ITIH5: variants seen among roughly 807,000 people sequenced by gnomAD.
ITIH5 encodes inter-alpha-trypsin inhibitor heavy chain 5, also known as inter-alpha-trypsin inhibitor heavy chain H5.
Under a neutral mutation model 77.5 loss-of-function variants are expected in ITIH5, and 65 were observed. The observed-to-expected ratio is 0.84, with a 90% CI of 0.69 to 1.03. The LOEUF (loss-of-function observed/expected upper bound fraction) is 1.03. ITIH5 is among the 50% of genes least tolerant of loss of function. The pLI is 0.00. For synonymous variants in ITIH5, 525 were observed against 494.3 expected (o/e 1.06, Z -0.82); for missense variants, 1,208 against 1,213.1 (o/e 1.00, Z 0.06).
chr10:7,666,790 C>A lies in ITIH5; in HGVS notation c.90+13G>T, dbSNP rs1486146413. The A allele has an allele frequency of 6.3e-7, 1 of 1,599,870 alleles. No homozygotes were observed. Among genetic ancestry groups the A allele is most frequent in the Non-Finnish European group, 8.5e-7 (1 of 1,173,818 alleles). Reference sequence around the variant, plus strand: ...GCCGCGCCCGGGACCCGGCTCCCCTCGGCTCCACTTACCTGCTCCGAAGAG... The same window carrying A: ...GCCGCGCCCGGGACCCGGCTCCCCTAGGCTCCACTTACCTGCTCCGAAGAG... On this transcript the variant is annotated intron_variant, in intron 1 of 13. Transcript: ENST00000397146.
chr10:7,597,175 T>C (rs1832921142), intron 7 of ITIH5, among the ~76,000 whole-genome samples: 1 of 147,650 alleles, frequency 6.8e-6, no homozygotes, highest in African/African-American at 2.5e-5. Flanking sequence ...TTTTGGAAAA[T>C]GAAATATGCC....
chr10:7,560,782 G>A lies in ITIH5; in HGVS notation c.*2301C>T, dbSNP rs997293659. ...ACAACCCTCGCCCTGGTTTATAAAT[G>A]CTCAAGGAAAATAAATGATTGCCCA... On this transcript the variant is annotated 3_prime_UTR_variant, in exon 14 of 14. Transcript: ENST00000397146. 6.6e-6 allele frequency: 1 copy of A among 151,816 alleles called. No homozygotes were observed. Among genetic ancestry groups the A allele is most frequent in the African/African-American group, 2.4e-5 (1 of 41,134 alleles). The allele number at this position is 151,816 out of a possible 1,614,324, so 9.4% of individuals were successfully genotyped here.
intron 13 of ITIH5, among the ~76,000 whole-genome samples, chr10:7,563,666 G>A (rs900130577): frequency 2.0e-5 from 3 of 152,240 alleles, no homozygotes; most frequent in African/African-American, 7.2e-5. Context: ...GTCTCCTACT[G>A]AGTCCAGAGG....
intron 7 of ITIH5, among the ~76,000 whole-genome samples, chr10:7,602,193 T>C (rs945567883): frequency 2.0e-5 from 3 of 152,138 alleles, no homozygotes; most frequent in East Asian, 3.8e-4. Context: ...CCTCTCTCTC[T>C]CCTCTTCCCT....
chr10:7,580,479 G>A (rs7089795), intron 8 of ITIH5, among the ~76,000 whole-genome samples: 133,068 of 152,248 alleles, frequency 0.87, 58,421 homozygotes, highest in East Asian at 1. Flanking sequence ...CAGGAGTGAG[G>A]TGTTAAGGGG....
At chr10:7,592,934 T>C (rs1832823508) in intron 7 of ITIH5, among the ~76,000 whole-genome samples, 2 of 152,016 alleles carry the variant, frequency 1.3e-5, no homozygotes, top group Non-Finnish European at 2.9e-5. Context: ...CCTGAGAGTC[T>C]CCATGCTGCA....
At chr10:7,646,495 C>T (rs9732111) in intron 2 of ITIH5, among the ~76,000 whole-genome samples, 14,393 of 152,198 alleles carry the variant, frequency 0.095, 954 homozygotes, top group Admixed American at 0.19. Context: ...TTATCTGTGT[C>T]TTAGCTATCT....
intron 5 of ITIH5, among the ~76,000 whole-genome samples, chr10:7,628,495 T>C (rs17347771): frequency 0.18 from 27,451 of 149,308 alleles, 3,155 homozygotes; most frequent in Non-Finnish European, 0.24. Flanking sequence ...TGTGTTATAG[T>C]GTGTATCCAT....
At position 7,644,521 on chromosome 10, in the gene ITIH5, CATATATATG is replaced by C. The variant is rs1257804551; in HGVS notation, c.136-2440_136-2432del. On this transcript the variant is annotated intron_variant, in intron 2 of 13. Transcript: ENST00000397146. ...AATCACATATATATGATATATATCACATATATATGATATATCACATATATATGATATATC... is the reference window on the plus strand; with the variant it reads ...AATCACATATATATGATATATATCACATATATCACATATATATGATATATC... Among the ~76,000 whole-genome samples the C allele has an allele frequency of 2.4e-4, 29 of 123,096 alleles. 1 individual carries two copies. Among genetic ancestry groups the C allele is most frequent in the South Asian group, 2.5e-4 (1 of 3,962 alleles). 80.8% of individuals were successfully genotyped at this position (123,096 alleles called of 152,430 possible).
chr10:7,563,458 A>G, intron 13 of ITIH5, 74 bp from the exon 14 acceptor site: 2 of 1,365,784 alleles, frequency 1.5e-6, no homozygotes, highest in Middle Eastern at 1.8e-4. Flanking sequence ...CTTCAGAGCT[A>G]TCAGTGGCAG....
At chr10:7,572,991 TG>T in intron 11 of ITIH5, 150 bp downstream of exon 11, 1 of 631,586 alleles carries the variant, frequency 1.6e-6, no homozygotes, top group Non-Finnish European at 2.8e-6. Context: ...TTGGCCAGGC[TG>T]GTCTTGAACT....
intron 7 of ITIH5, among the ~76,000 whole-genome samples, chr10:7,593,992 G>A (rs888588622): frequency 6.6e-6 from 1 of 152,204 alleles, no homozygotes; most frequent in Non-Finnish European, 1.5e-5. Context: ...CACACAGAAG[G>A]GTTCATGTGA....
At chr10:7,609,208 A>G (rs149647927) in intron 7 of ITIH5, among the ~76,000 whole-genome samples, 6 of 152,366 alleles carry the variant, frequency 3.9e-5, no homozygotes, top group Non-Finnish European at 7.3e-5. Context: ...AAATGAAGAA[A>G]TGTACGTAAA....
intron 7 of ITIH5, among the ~76,000 whole-genome samples, chr10:7,607,783 C>T (rs1408747764): frequency 3.9e-5 from 6 of 152,202 alleles, no homozygotes; most frequent in African/African-American, 7.2e-5. Context: ...CATTGCACTC[C>T]GGCCTGTGCA....
At chr10:7,565,520 CTG>C (rs964379920) in intron 13 of ITIH5, among the ~76,000 whole-genome samples, 52 of 149,690 alleles carry the variant, frequency 3.5e-4, no homozygotes, top group African/African-American at 1.1e-3. Context: ...CATATATAGA[CTG>C]TATATATACA....
At chr10:7,633,190 G>T (rs934286304) in intron 5 of ITIH5, among the ~76,000 whole-genome samples, 1 of 152,220 alleles carries the variant, frequency 6.6e-6, no homozygotes, top group African/African-American at 2.4e-5. Context: ...AGACAGTAGA[G>T]ACAGGGAGTC....
chr10:7,594,788 G>C (rs1243405687), intron 7 of ITIH5, among the ~76,000 whole-genome samples: 2 of 152,174 alleles, frequency 1.3e-5, no homozygotes, highest in East Asian at 3.9e-4. Context: ...GAAGCCAGTG[G>C]GGAGGAATTA....
intron 2 of ITIH5, among the ~76,000 whole-genome samples, chr10:7,647,197 A>G (rs921739972): frequency 6.6e-6 from 1 of 152,206 alleles, no homozygotes; most frequent in African/African-American, 2.4e-5. Flanking sequence ...TCTCTCATTC[A>G]TCTGTAGCAG....
At chr10:7,597,644 C>T (rs952231487) in intron 7 of ITIH5, among the ~76,000 whole-genome samples, 2 of 149,758 alleles carry the variant, frequency 1.3e-5, no homozygotes, top group African/African-American at 4.9e-5. Flanking sequence ...CAGAGACACC[C>T]GTACACAGCA....
Sources: allele counts gnomAD v4.1 joint callset (sites outside exome capture counted in the v4.1 genomes callset), GRCh38; gene constraint gnomAD v4.1.1; transcripts MANE v1.5; gene names NCBI Gene and HGNC (gene_info 2026-07-23, HGNC 2026-07-21).